Variants in ADNP observed in about 807,000 individuals in gnomAD.
ADNP encodes activity dependent neuroprotector homeobox.
ADNP carries 4 observed loss-of-function variants against 84.9 expected under a neutral mutation model. That is an observed-to-expected ratio of 0.05 (90% CI 0.02 to 0.11). ADNP has a LOEUF of 0.11. Among genes scored for constraint, ADNP ranks in the 10% least tolerant of loss-of-function variants. The pLI is 1.00. For missense variants in ADNP, 1,132 were observed against 1,326.0 expected (o/e 0.85, Z 2.27); for synonymous variants, 554 against 468.1 (o/e 1.18, Z -2.37).
rs1392946940 is a variant in ADNP, at chr20:50,891,622, C to T, written c.3092G>A (p.Ser1031Asn). Residue 1031 changes from serine (S) to asparagine (N), a missense_variant, in exon 6 of 6, where the codon AGT (serine) becomes AAT (asparagine). Ser to Asn is a conservative substitution (Grantham distance 46, BLOSUM62 1). Transcript: ENST00000621696. ...GDREQLKWKNSSYGKVEGFWS... is the reference protein window; with the variant it reads ...GDREQLKWKNNSYGKVEGFWS... The stretch of plus-strand genomic sequence containing the variant: ...AAACCCTTCAACTTTTCCATAGGAA[C>T]TATTCTTCCATTTCAACTGCTCTCT... 15 of 1,614,034 alleles carry T rather than the reference C, an allele frequency of 9.3e-6. No homozygotes were observed. The African/African-American group carries it at 9.3e-5, about 10-fold the overall frequency.
At chr20:50,909,365 A>C (rs1478487470) in intron 2 of ADNP, 1 of 44,078 alleles carries the variant, frequency 2.3e-5, no homozygotes, top group Admixed American at 2.4e-4. Context: ...AACTGTCTCA[A>C]AAAAAAAAAA....
intron 3 of ADNP, chr20:50,904,246 T>A (rs1309111623): frequency 4.4e-6 from 2 of 459,032 alleles, no homozygotes; most frequent in African/African-American, 4.0e-5. Context: ...CAGGCTGGAG[T>A]GCAGTGCACT....
At chr20:50,923,079 A>G (rs576937629) in intron 2 of ADNP, among the ~76,000 whole-genome samples, 8 of 152,222 alleles carry the variant, frequency 5.3e-5, no homozygotes, top group African/African-American at 1.2e-4. Flanking sequence ...AACGTACCCT[A>G]TATTATAACA....
intron 5 of ADNP, 73 bp downstream of exon 5, chr20:50,901,944 A>G: frequency 8.9e-7 from 1 of 1,124,146 alleles, no homozygotes; most frequent in South Asian, 1.3e-5. Flanking sequence ...CTGCACCGCT[A>G]TAAAAGGCCT....
rs1411334034 is a variant in ADNP, at chr20:50,889,156, A to G, written c.*2249T>C. On this transcript the variant is annotated 3_prime_UTR_variant, in exon 6 of 6. Transcript: ENST00000621696. ...GTGGCTAAACCCTTTTCTGAATGCC[A>G]AAAGGCACACTCTCACCACCTTAAT... 1 of 152,188 alleles carries G rather than the reference A, an allele frequency of 6.6e-6. No homozygotes were observed. The highest frequency in any genetic ancestry group is 1.5e-5 in the Non-Finnish European group (1 of 68,032). The allele number at this position is 152,188 out of a possible 1,614,324, so 9.4% of individuals were successfully genotyped here.
intron 5 of ADNP, among the ~76,000 whole-genome samples, chr20:50,896,830 T>C (rs955110714): frequency 6.6e-6 from 1 of 152,180 alleles, no homozygotes; most frequent in African/African-American, 2.4e-5. Context: ...AAGCCCACGG[T>C]GCTTTGTTTC....
chr20:50,918,980 A>G (rs1444920645), intron 2 of ADNP, among the ~76,000 whole-genome samples: 1 of 152,218 alleles, frequency 6.6e-6, no homozygotes, highest in African/African-American at 2.4e-5. Flanking sequence ...ACTGTGACTT[A>G]AAAGTTTTAT....
chr20:50,909,389 A>AAAAAAAAAAAAAAAAAAAAAAAC (rs1600969744), intron 2 of ADNP: 1 of 149,844 alleles, frequency 6.7e-6, no homozygotes, highest in Non-Finnish European at 1.5e-5. Context: ...AAAAAAAAAA[A>AAAAAAAAAAAAAAAAAAAAAAAC]AAAAGAAATC....
In ADNP at chr20:50,894,019, G is replaced by A. The variant is rs1245095876; in HGVS notation, c.695C>T (p.Ser232Phe). The part of the protein sequence containing the change: ...HCKRCLFMPK[S>F]YEALVQHVIE... ...GACATGCTGTACCAAAGCTTCATAGGACTTTGGCATGAAAAGGCATCGCTT... is the reference window on the plus strand; with the variant it reads ...GACATGCTGTACCAAAGCTTCATAGAACTTTGGCATGAAAAGGCATCGCTT... Residue 232 changes from serine (S) to phenylalanine (F), a missense_variant, in exon 6 of 6, where the codon TCC (serine) becomes TTC (phenylalanine). Ser to Phe is a radical substitution (Grantham distance 155). Transcript: ENST00000621696. 39 of 1,614,094 alleles carry A rather than the reference G, an allele frequency of 2.4e-5. No individual in the cohort carries two copies. Among genetic ancestry groups the A allele is most frequent in the Non-Finnish European group, 3.1e-5 (37 of 1,180,022 alleles).
chr20:50,929,917 G>A (rs936121421), intron 1 of ADNP, among the ~76,000 whole-genome samples: 1 of 152,104 alleles, frequency 6.6e-6, no homozygotes, highest in African/African-American at 2.4e-5. Flanking sequence ...AGAAGATTAA[G>A]AAGACTTCGT....
Position 50,908,757 on chromosome 20 carries a change from G to C in ADNP, c.-89-3908C>G, listed in dbSNP as rs1337328926. On this transcript the variant is annotated intron_variant, in intron 2 of 5. Coordinates refer to ENST00000621696, the MANE Select transcript of ADNP (RefSeq NM_001282531.3). Reference sequence around the variant, plus strand: ...CCACTGCACTCCAGCCTGGGCGACAGAGTGAGACTCTGTCTGCAAAAAAAG... The same window carrying C: ...CCACTGCACTCCAGCCTGGGCGACACAGTGAGACTCTGTCTGCAAAAAAAG... 2.0e-5 allele frequency among the ~76,000 whole-genome samples: 3 copies of C among 151,696 alleles called. No homozygotes were observed. The South Asian group carries it at 6.2e-4, about 32-fold the overall frequency.
At chr20:50,922,937 T>C (rs1984052979) in intron 2 of ADNP, among the ~76,000 whole-genome samples, 1 of 151,858 alleles carries the variant, frequency 6.6e-6, no homozygotes, top group Admixed American at 6.6e-5. Context: ...TTCCCCGGGG[T>C]ATAGGGCCAA....
intron 2 of ADNP, among the ~76,000 whole-genome samples, chr20:50,924,351 T>C (rs545933273): frequency 1.3e-5 from 2 of 152,200 alleles, no homozygotes; most frequent in Non-Finnish European, 2.9e-5. Context: ...CTTCTTTACA[T>C]GTAGACGCCA....
intron 5 of ADNP, among the ~76,000 whole-genome samples, chr20:50,901,211 T>C (rs1213271838): frequency 6.6e-6 from 1 of 151,694 alleles, no homozygotes; most frequent in Admixed American, 6.6e-5. Flanking sequence ...TTCTTTAGTA[T>C]TCAGCTATGA....
intron 2 of ADNP, among the ~76,000 whole-genome samples, chr20:50,926,789 A>C (rs1168277709): frequency 1.3e-5 from 2 of 152,242 alleles, no homozygotes; most frequent in Admixed American, 1.3e-4. Flanking sequence ...TCAAAAGAAG[A>C]AACATAAATG....
At chr20:50,911,003 T>A (rs1284892877) in intron 2 of ADNP, among the ~76,000 whole-genome samples, 1 of 152,112 alleles carries the variant, frequency 6.6e-6, no homozygotes, top group Non-Finnish European at 1.5e-5. Context: ...GCCATACTCA[T>A]TCCTATTAGT....
At chr20:50,919,826 T>G (rs972629933) in intron 2 of ADNP, among the ~76,000 whole-genome samples, 8 of 152,158 alleles carry the variant, frequency 5.3e-5, no homozygotes, top group African/African-American at 7.2e-5. Flanking sequence ...TATGTCAAGC[T>G]TCTGAGTAAC....
rs1980410518 is a variant in ADNP at position 50,889,399 on chromosome 20, C to CTAAGT, written c.*2001_*2005dup. 1 of 152,724 alleles carries CTAAGT rather than the reference C, an allele frequency of 6.5e-6. No homozygotes were observed. The highest frequency in any genetic ancestry group is 6.5e-5 in the Admixed American group (1 of 15,300). 9.5% of individuals were successfully genotyped at this position (152,724 alleles called of 1,614,324 possible). On this transcript the variant is annotated 3_prime_UTR_variant, in exon 6 of 6. Transcript: ENST00000621696. ...TATCTTAATTTGGGGACATCCTGTC[C>CTAAGT]TAAGTTTTGGCTGGTGCATGTAGAA...
At chr20:50,929,283 G>C (rs1984492473) in intron 1 of ADNP, among the ~76,000 whole-genome samples, 1 of 152,216 alleles carries the variant, frequency 6.6e-6, no homozygotes, top group Non-Finnish European at 1.5e-5. Flanking sequence ...CCGAACCAAG[G>C]ATGTGCCAAG....
Sources: allele counts gnomAD v4.1 joint callset (sites outside exome capture counted in the v4.1 genomes callset), GRCh38; gene constraint gnomAD v4.1.1; transcripts MANE v1.5; gene names NCBI Gene and HGNC (gene_info 2026-07-23, HGNC 2026-07-21).